ST6GAL2: variants seen among roughly 807,000 people sequenced by gnomAD.
The protein encoded by ST6GAL2 is beta-galactoside alpha-2,6-sialyltransferase 2.
A neutral mutation model predicts 37.5 loss-of-function variants in ST6GAL2; 24 were observed. The observed-to-expected ratio is 0.64, with a 90% CI of 0.46 to 0.90. The LOEUF is 0.90. ST6GAL2 is among the 40% of genes least tolerant of loss of function. The probability of loss-of-function intolerance (pLI) is 0.00; values close to 1 mark genes in which losing one functional copy is unlikely to be tolerated. For synonymous variants in ST6GAL2, 306 were observed against 295.1 expected, an observed-to-expected ratio of 1.04 and a Z score of -0.38; for missense variants, 715 against 712.7, an observed-to-expected ratio of 1.00 and a Z score of -0.04.
chr2:106,847,541 C>G (rs771596929), intron 1 of ST6GAL2, among the ~76,000 whole-genome samples: 3 of 152,170 alleles, frequency 2.0e-5, no homozygotes, highest in African/African-American at 4.8e-5. Flanking sequence ...AGACTGCCCT[C>G]GTTTCACATG....
rs1675410914 is a variant in ST6GAL2 at position 106,806,244 on chromosome 2, A to G, written c.*434T>C. ...AGGATATTTAATGATGAATGCATGT[A>G]TAACTGACACACTCGATGCTGTAAA... On this transcript the variant is annotated 3_prime_UTR_variant, in exon 6 of 6. Transcript: ENST00000409382. 6.2e-6 allele frequency: 1 copy of G among 162,036 alleles called. No homozygotes were observed. The highest frequency in any genetic ancestry group is 1.3e-5 in the Non-Finnish European group (1 of 74,298). The allele number at this position is 162,036 out of a possible 1,614,324, so 10.0% of individuals were successfully genotyped here. A position where few individuals can be genotyped will look rare whatever the true frequency, so the allele number is the denominator to read the frequency against.
chr2:106,869,439 G>A (rs956083393), intron 1 of ST6GAL2, among the ~76,000 whole-genome samples: 2 of 152,102 alleles, frequency 1.3e-5, no homozygotes, highest in Non-Finnish European at 2.9e-5. Flanking sequence ...TCAAAATATC[G>A]ACCGCCCTTT....
intron 1 of ST6GAL2, among the ~76,000 whole-genome samples, chr2:106,858,299 T>C (rs11693134): frequency 0.74 from 111,978 of 151,816 alleles, 42,125 homozygotes; most frequent in Non-Finnish European, 0.82. Flanking sequence ...GAACTTCTCC[T>C]GCACTCAGCT....
At chr2:106,813,200 A>C (rs1675677111) in intron 5 of ST6GAL2, 1 of 1,371,204 alleles carries the variant, frequency 7.3e-7, no homozygotes. Context: ...GCAAGCTCTG[A>C]TATGGCCAAT....
At chr2:106,842,965 C>A in intron 2 of ST6GAL2, 70 bp downstream of exon 2, 1 of 1,199,538 alleles carries the variant, frequency 8.3e-7, no homozygotes, top group South Asian at 2.9e-5. Flanking sequence ...GAGGCGCGCT[C>A]AGAAAGAACC....
Position 106,856,427 on chromosome 2 carries a change from C to T in ST6GAL2, c.-57-12393G>A, listed in dbSNP as rs541805248. On this transcript the variant is annotated intron_variant, in intron 1 of 5. Coordinates refer to ENST00000409382, the MANE Select transcript of ST6GAL2 (RefSeq NM_001142351.2). ...AAACTGTCCCTCAAATGGGTTTGTT[C>T]AAGATCTAGACTTGAGTGTGGAAGG... 9.8e-5 allele frequency among the ~76,000 whole-genome samples: 15 copies of T among 152,314 alleles called. No homozygotes were observed. The South Asian group carries it at 1.7e-3, about 17-fold the overall frequency.
chr2:106,802,143 T>TGAG lies in ST6GAL2; in HGVS notation c.*4532_*4534dup, dbSNP rs1284265255. ...TAATGTAGCCAAGATGTGCAGAGTA[T>TGAG]GAGTGTGTGGGAAGCGGTTGGCGGA... On this transcript the variant is annotated 3_prime_UTR_variant, in exon 6 of 6. Coordinates refer to ENST00000409382, the MANE Select transcript of ST6GAL2 (RefSeq NM_001142351.2). 6.6e-6 allele frequency: 1 copy of TGAG among 152,206 alleles called. No individual in the cohort carries two copies. The highest frequency in any genetic ancestry group is 1.5e-5 in the Non-Finnish European group (1 of 68,040). 9.4% of individuals were successfully genotyped at this position (152,206 alleles called of 1,614,324 possible).
intron 5 of ST6GAL2, among the ~76,000 whole-genome samples, chr2:106,828,198 C>G (rs1676278671): frequency 6.6e-6 from 1 of 152,018 alleles, no homozygotes; most frequent in Non-Finnish European, 1.5e-5. Context: ...TCTGACAGGC[C>G]CCTCTAACTG....
chr2:106,856,158 C>T (rs1251030715), intron 1 of ST6GAL2, among the ~76,000 whole-genome samples: 1 of 152,134 alleles, frequency 6.6e-6, no homozygotes, highest in Non-Finnish European at 1.5e-5. Context: ...ACTATAACTC[C>T]CATAAACAAT....
chr2:106,845,632 A>T (rs752742109), intron 1 of ST6GAL2, among the ~76,000 whole-genome samples: 1 of 152,212 alleles, frequency 6.6e-6, no homozygotes, highest in Non-Finnish European at 1.5e-5. Context: ...GAATGTTCCT[A>T]CCTCAATGTG....
rs1049436245 is a variant in ST6GAL2, at chr2:106,803,201, A to T, written c.*3477T>A. 2.0e-5 allele frequency: 3 copies of T among 152,202 alleles called. No individual in the cohort carries two copies. The highest frequency in any genetic ancestry group is 2.9e-5 in the Non-Finnish European group (2 of 68,044). The allele number at this position is 152,202 out of a possible 1,614,324, so 9.4% of individuals were successfully genotyped here. ...TTTTTTTGCAGATGCTATGGCTACA[A>T]TGACTGAGGACTACTGGAGAGTCCA... is the stretch of plus-strand genomic sequence containing the variant. On this transcript the variant is annotated 3_prime_UTR_variant, in exon 6 of 6. Coordinates refer to ENST00000409382, the MANE Select transcript of ST6GAL2 (RefSeq NM_001142351.2).
In ST6GAL2 at chr2:106,806,507, G is replaced by A; in HGVS notation, c.*171C>T. The A allele has an allele frequency of 1.4e-6, 1 of 733,746 alleles. No homozygotes were observed. Among genetic ancestry groups the A allele is most frequent in the Non-Finnish European group, 2.2e-6 (1 of 462,972 alleles). The allele number at this position is 733,746 out of a possible 1,614,324, so 45.5% of individuals were successfully genotyped here. A position where few individuals can be genotyped will look rare whatever the true frequency, so the allele number is the denominator to read the frequency against. ...TAAAAAAACCATTTCTATGTTCAAAGCAGTAATACATACTCAATGGCTTAG... is the reference window on the plus strand; with the variant it reads ...TAAAAAAACCATTTCTATGTTCAAAACAGTAATACATACTCAATGGCTTAG... On this transcript the variant is annotated 3_prime_UTR_variant, in exon 6 of 6. Transcript: ENST00000409382.
Position 106,806,906 on chromosome 2 carries a change from A to G in ST6GAL2, c.1362T>C (p.Tyr454=), listed in dbSNP as rs1361751477. 6.2e-7 allele frequency: 1 copy of G among 1,614,104 alleles called. No individual in the cohort carries two copies. Among genetic ancestry groups the G allele is most frequent in the Admixed American group, 1.7e-5 (1 of 60,020 alleles). Residue 454 remains tyrosine (Y), a synonymous_variant, in exon 6 of 6, where the codon TAT becomes TAC. Transcript: ENST00000409382. ...MMSMCREVHV[Y]EYIPSVRQTE... ...TCTGCCGCACGGATGGGATATATTCATACACGTGCACCTCTCTGCACATGG... is the reference window on the plus strand; with the variant it reads ...TCTGCCGCACGGATGGGATATATTCGTACACGTGCACCTCTCTGCACATGG...
At chr2:106,852,103 C>A (rs1488452347) in intron 1 of ST6GAL2, among the ~76,000 whole-genome samples, 1 of 152,226 alleles carries the variant, frequency 6.6e-6, no homozygotes. Context: ...AGGCAGAACA[C>A]CAAAGAGGCA....
intron 2 of ST6GAL2, among the ~76,000 whole-genome samples, chr2:106,840,399 C>T (rs1244822326): frequency 2.0e-5 from 3 of 152,118 alleles, no homozygotes; most frequent in Non-Finnish European, 4.4e-5. Context: ...GGAGCGAGGT[C>T]GGCACCTGGC....
chr2:106,817,154 C>T (rs187311079), intron 5 of ST6GAL2, among the ~76,000 whole-genome samples: 298 of 152,358 alleles, frequency 2.0e-3, no homozygotes, highest in African/African-American at 6.8e-3. Context: ...ACAAGGACTT[C>T]CATTCCTGGG....
At chr2:106,878,718 A>C (rs1294112271) in intron 1 of ST6GAL2, among the ~76,000 whole-genome samples, 1 of 152,232 alleles carries the variant, frequency 6.6e-6, no homozygotes, top group African/African-American at 2.4e-5. Context: ...TGCCTAGGTT[A>C]TGCAAAGATA....
At chr2:106,858,301 C>T (rs1175587381) in intron 1 of ST6GAL2, among the ~76,000 whole-genome samples, 2 of 152,202 alleles carry the variant, frequency 1.3e-5, no homozygotes, top group Non-Finnish European at 1.5e-5. Flanking sequence ...ACTTCTCCTG[C>T]ACTCAGCTGA....
intron 5 of ST6GAL2, among the ~76,000 whole-genome samples, chr2:106,829,438 T>C (rs1193123305): frequency 1.3e-5 from 2 of 152,220 alleles, no homozygotes; most frequent in Admixed American, 6.5e-5. Flanking sequence ...AGAAAGACTA[T>C]GTGCAGGCAC....
Sources: gnomAD v4.1 joint callset for allele counts (sites outside exome capture counted in the v4.1 genomes callset) on GRCh38, gnomAD v4.1.1 for gene constraint, MANE v1.5 for transcripts, NCBI Gene and HGNC (gene_info 2026-07-23, HGNC 2026-07-21) for gene names.